The following PRKAG2 variants were observed in gnomAD, a reference collection of about 807,000 sequenced individuals.
PRKAG2 encodes protein kinase AMP-activated non-catalytic subunit gamma 2, also known as 5'-AMP-activated protein kinase subunit gamma-2.
PRKAG2 carries 26 observed loss-of-function variants against 69.6 expected under a neutral mutation model. That is an observed-to-expected ratio of 0.37 (90% CI 0.27 to 0.52). The LOEUF (loss-of-function observed/expected upper bound fraction) is 0.52, where lower values mean the gene tolerates loss of function less well. Among genes scored for constraint, PRKAG2 ranks in the 20% least tolerant of loss-of-function variants. The probability of loss-of-function intolerance (pLI) is 0.90; values close to 1 mark genes in which losing one functional copy is unlikely to be tolerated. For synonymous variants in PRKAG2, 293 were observed against 285.0 expected, an observed-to-expected ratio of 1.03 and a Z score of -0.28; for missense variants, 557 against 740.0, an observed-to-expected ratio of 0.75 and a Z score of 2.87.
At chr7:151,778,829 C>T (rs982447804) in intron 3 of PRKAG2, among the ~76,000 whole-genome samples, 1 of 152,200 alleles carries the variant, frequency 6.6e-6, no homozygotes, top group African/African-American at 2.4e-5. Flanking sequence ...TTCCACCCAT[C>T]CACTCCTAAT....
intron 1 of PRKAG2, among the ~76,000 whole-genome samples, chr7:151,864,077 G>A (rs1297356941): frequency 1.3e-5 from 2 of 152,180 alleles, no homozygotes; most frequent in Non-Finnish European, 2.9e-5. Context: ...GGAGGTGATA[G>A]AGAATGGAGT....
At chr7:151,811,440 A>AC (rs2078418081) in intron 1 of PRKAG2, among the ~76,000 whole-genome samples, 1 of 151,860 alleles carries the variant, frequency 6.6e-6, no homozygotes, top group Admixed American at 6.6e-5. Flanking sequence ...AAGAAGGAAC[A>AC]CCCCCCAGTT....
chr7:151,850,625 C>T lies in PRKAG2; in HGVS notation c.114+25882G>A, dbSNP rs2079546177. Among the ~76,000 whole-genome samples, 1 of 152,238 alleles carries T rather than the reference C, an allele frequency of 6.6e-6. No homozygotes were observed. Among genetic ancestry groups the T allele is most frequent in the Non-Finnish European group, 1.5e-5 (1 of 68,042 alleles). On this transcript the variant is annotated intron_variant, in intron 1 of 15. Coordinates refer to ENST00000287878, the MANE Select transcript of PRKAG2 (RefSeq NM_016203.4). The surrounding 1 kb of genome is among the most constrained non-coding windows in gnomAD (Gnocchi z 4.1). ...AATTCCAAAATCCTCAAGTTCTACA[C>T]TCCTTCCCGCCTGCCCCACCTCCAT...
Position 151,567,161 on chromosome 7 carries a change from C to T in PRKAG2, c.1234-1276G>A, listed in dbSNP as rs1482946029. The stretch of plus-strand genomic sequence containing the variant: ...CACTTAGTATCCACATGACTGGGGG[C>T]ACGTTTCCCAGCCAGGTGTCCTGTG... On this transcript the variant is annotated intron_variant, in intron 11 of 15. Coordinates refer to ENST00000287878, the MANE Select transcript of PRKAG2 (RefSeq NM_016203.4). The surrounding 1 kb of genome is among the most constrained non-coding windows in gnomAD (Gnocchi z 4.2). Among the ~76,000 whole-genome samples, 1 of 152,136 alleles carries T rather than the reference C, an allele frequency of 6.6e-6. No individual in the cohort carries two copies. Among genetic ancestry groups the T allele is most frequent in the African/African-American group, 2.4e-5 (1 of 41,420 alleles).
At chr7:151,713,311 TC>T (rs565877692) in intron 3 of PRKAG2, among the ~76,000 whole-genome samples, 3 of 152,078 alleles carry the variant, frequency 2.0e-5, no homozygotes, top group African/African-American at 2.4e-5. Context: ...CTGATATCTT[TC>T]CCCCCACCCA....
intron 1 of PRKAG2, among the ~76,000 whole-genome samples, chr7:151,843,097 T>C (rs73728415): frequency 0.023 from 3,470 of 152,178 alleles, 135 homozygotes; most frequent in African/African-American, 0.078. Flanking sequence ...ACAGTGTCTA[T>C]ATATCTATGT....
intron 3 of PRKAG2, among the ~76,000 whole-genome samples, chr7:151,733,488 T>C (rs904978210): frequency 6.6e-6 from 1 of 152,240 alleles, no homozygotes; most frequent in African/African-American, 2.4e-5. Flanking sequence ...TGGCACATAA[T>C]AGGCTCTTAA....
intron 14 of PRKAG2, among the ~76,000 whole-genome samples, chr7:151,561,528 T>A (rs1296548176): frequency 6.6e-6 from 1 of 152,240 alleles, no homozygotes; most frequent in East Asian, 1.9e-4. Context: ...ACTACGTCCA[T>A]CTCTAGTTTT....
intron 4 of PRKAG2, among the ~76,000 whole-genome samples, chr7:151,633,897 T>G (rs144246239): frequency 2.6e-5 from 4 of 152,150 alleles, no homozygotes; most frequent in Non-Finnish European, 5.9e-5. Context: ...CTAAAATTTA[T>G]ATGGAAAGGT....
At chr7:151,654,410 C>T (rs997016121) in intron 4 of PRKAG2, among the ~76,000 whole-genome samples, 9 of 152,194 alleles carry the variant, frequency 5.9e-5, no homozygotes, top group African/African-American at 2.2e-4. Flanking sequence ...CCTATCAAGA[C>T]TACCTCTCAC....
chr7:151,632,187 CCCCGGCCGGCGGGCT>C lies in PRKAG2; in HGVS notation c.685-64_685-50del, dbSNP rs1824721096. ...GATCAGCATGAGCTGCGACGCTCGT[CCCCGGCCGGCGGGCT>C]CGCGGCCGGCCGAGCGCTGGGGCCT... On this transcript the variant is annotated intron_variant, in intron 4 of 15. Transcript: ENST00000287878. This position sits in a 1 kb window ranked among gnomAD's most constrained non-coding sequence, Gnocchi z 4.2. 1.6e-6 allele frequency: 2 copies of C among 1,222,156 alleles called. No individual in the cohort carries two copies. The highest frequency in any genetic ancestry group is 2.1e-6 in the Non-Finnish European group (2 of 973,976). The allele number at this position is 1,222,156 out of a possible 1,614,324, so 75.7% of individuals were successfully genotyped here.
chr7:151,830,259 T>C (rs1329442921), intron 1 of PRKAG2, among the ~76,000 whole-genome samples: 2 of 151,852 alleles, frequency 1.3e-5, no homozygotes, highest in African/African-American at 2.4e-5. Context: ...GTCCGCAGGC[T>C]GACCGGGAGC....
chr7:151,693,189 A>G (rs1835978701), intron 3 of PRKAG2, among the ~76,000 whole-genome samples: 1 of 152,206 alleles, frequency 6.6e-6, no homozygotes, highest in Admixed American at 6.5e-5. Context: ...AGTCTTCTCT[A>G]CAGCGGCTCT....
At chr7:151,723,261 G>A (rs1007316976) in intron 3 of PRKAG2, among the ~76,000 whole-genome samples, 1 of 152,104 alleles carries the variant, frequency 6.6e-6, no homozygotes, top group Non-Finnish European at 1.5e-5. Flanking sequence ...TACATTTTTG[G>A]TAGTGCAGTG....
intron 6 of PRKAG2, among the ~76,000 whole-genome samples, chr7:151,578,688 C>T (rs1288490656): frequency 6.6e-6 from 1 of 152,122 alleles, no homozygotes; most frequent in African/African-American, 2.4e-5. Flanking sequence ...TAGAGCCAAC[C>T]CAGTGATGTG....
At chr7:151,687,914 C>T (rs371654210) in intron 3 of PRKAG2, among the ~76,000 whole-genome samples, 52 of 152,314 alleles carry the variant, frequency 3.4e-4, no homozygotes, top group African/African-American at 1.2e-3. Flanking sequence ...TGTCCACCCT[C>T]CTCCCCAACG....
chr7:151,576,179 G>T (rs1235757644), intron 7 of PRKAG2, 192 bp downstream of exon 7: 7 of 616,250 alleles, frequency 1.1e-5, no homozygotes, highest in Non-Finnish European at 1.4e-5. Flanking sequence ...GGGCTCAAGC[G>T]ATCTCCCTGC....
chr7:151,666,431 A>C (rs1831055369), intron 4 of PRKAG2, among the ~76,000 whole-genome samples: 1 of 152,232 alleles, frequency 6.6e-6, no homozygotes, highest in African/African-American at 2.4e-5. Context: ...TTGGACTTCC[A>C]GCCTCCAGAA....
intron 4 of PRKAG2, among the ~76,000 whole-genome samples, chr7:151,656,541 G>A (rs1829450222): frequency 6.6e-6 from 1 of 152,184 alleles, no homozygotes; most frequent in South Asian, 2.1e-4. Flanking sequence ...GGGCAACAGA[G>A]CAAGACTGCA....
Sources: gnomAD v4.1 joint callset for allele counts (sites outside exome capture counted in the v4.1 genomes callset) on GRCh38, gnomAD v4.1.1 for gene constraint, Gnocchi (gnomAD v3.1) non-coding constraint, MANE v1.5 for transcripts, NCBI Gene and HGNC (gene_info 2026-07-23, HGNC 2026-07-21) for gene names.